Variants in TSNARE1 observed in about 807,000 individuals in gnomAD.
TSNARE1 encodes the protein t-SNARE domain-containing protein 1.
TSNARE1 carries 49 observed loss-of-function variants against 62.0 expected under a neutral mutation model. The observed-to-expected ratio is 0.79, with a 90% CI of 0.63 to 1.00. The LOEUF (loss-of-function observed/expected upper bound fraction) is 1.00, where lower values mean the gene tolerates loss of function less well. Among genes scored for constraint, TSNARE1 ranks in the 50% least tolerant of loss-of-function variants. TSNARE1 has a pLI of 0.00. For missense variants in TSNARE1, 755 were observed against 700.1 expected (o/e 1.08, Z -0.88); for synonymous variants, 328 against 294.4 (o/e 1.11, Z -1.17).
intron 7 of TSNARE1, 36 bp from the exon 8 acceptor site, chr8:142,315,128 C>T: frequency 6.2e-7 from 1 of 1,609,178 alleles, no homozygotes; most frequent in South Asian, 1.1e-5. Context: ...GCATGGGAGG[C>T]TTGGCCCTGC....
intron 13 of TSNARE1, among the ~76,000 whole-genome samples, chr8:142,213,604 C>A: frequency 6.6e-6 from 1 of 152,114 alleles, no homozygotes; most frequent in Non-Finnish European, 1.5e-5. Context: ...CGGCCAGGAG[C>A]AAAAGGCCAG....
At chr8:142,368,677 T>C (rs1040167593) in intron 1 of TSNARE1, among the ~76,000 whole-genome samples, 1 of 152,062 alleles carries the variant, frequency 6.6e-6, no homozygotes, top group Non-Finnish European at 1.5e-5. Context: ...AGAGAAAGCC[T>C]AGCACAGGAC....
chr8:142,286,783 C>G (rs1017545896), intron 10 of TSNARE1, among the ~76,000 whole-genome samples: 2 of 152,168 alleles, frequency 1.3e-5, no homozygotes, highest in Non-Finnish European at 1.5e-5. Flanking sequence ...CCGTCAGAAG[C>G]CAGGCATGAC....
intron 1 of TSNARE1, among the ~76,000 whole-genome samples, chr8:142,382,592 GAGA>G (rs1286857673): frequency 1.3e-5 from 2 of 152,208 alleles, no homozygotes; most frequent in African/African-American, 4.8e-5. Context: ...TCCTGGCAGA[GAGA>G]AGGTCTGGCC....
intron 8 of TSNARE1, 27 bp downstream of exon 8, chr8:142,314,976 C>G: frequency 6.2e-7 from 1 of 1,611,132 alleles, no homozygotes; most frequent in Non-Finnish European, 8.5e-7. Context: ...GGCCTGCAGA[C>G]CCCCACTGCC....
intron 12 of TSNARE1, among the ~76,000 whole-genome samples, chr8:142,259,205 A>C (rs34259915): frequency 0.52 from 79,234 of 152,096 alleles, 21,522 homozygotes; most frequent in African/African-American, 0.66. Context: ...CAGCACCCCA[A>C]CTCCCGTGAC....
At chr8:142,392,250 G>A (rs1270080974) in intron 1 of TSNARE1, among the ~76,000 whole-genome samples, 1 of 152,036 alleles carries the variant, frequency 6.6e-6, no homozygotes, top group African/African-American at 2.4e-5. Context: ...TCAAACTCCT[G>A]ACCTCAGGTG....
intron 1 of TSNARE1, among the ~76,000 whole-genome samples, chr8:142,377,522 A>AG (rs1836431767): frequency 6.6e-6 from 1 of 152,240 alleles, no homozygotes; most frequent in Non-Finnish European, 1.5e-5. Context: ...GAACTAAGTC[A>AG]GGGCAGCGTG....
intron 12 of TSNARE1, among the ~76,000 whole-genome samples, chr8:142,235,764 C>T (rs1817379215): frequency 6.6e-6 from 1 of 152,168 alleles, no homozygotes; most frequent in Non-Finnish European, 1.5e-5. Flanking sequence ...CGGGTGAGAG[C>T]ACATGGCGTT....
At chr8:142,345,950 C>T (rs1446935800) in intron 2 of TSNARE1, 58 bp from the exon 3 acceptor site, 5 of 1,570,250 alleles carry the variant, frequency 3.2e-6, no homozygotes, top group Non-Finnish European at 4.3e-6. Context: ...CCTGGCAGTG[C>T]CAGGCCCCCA....
chr8:142,250,510 C>T (rs967794689), intron 12 of TSNARE1, among the ~76,000 whole-genome samples: 5 of 152,208 alleles, frequency 3.3e-5, no homozygotes, highest in Admixed American at 1.3e-4. Flanking sequence ...GACACTCACC[C>T]GCCAGTGAAG....
Position 142,334,698 on chromosome 8 carries a change from G to A in TSNARE1, c.746-2867C>T, listed in dbSNP as rs113323451. Among the ~76,000 whole-genome samples, 960 of 152,204 alleles carry A rather than the reference G, an allele frequency of 6.3e-3. 15 individuals are homozygous for A. The highest frequency in any genetic ancestry group is 0.022 in the African/African-American group (909 of 41,518). ...GATAAAGAAACCTGAAAAGTGGCCC[G>A]GAGAAAAAACTGCACATTTCATGAG... On this transcript the variant is annotated intron_variant, in intron 4 of 13. Transcript: ENST00000524325.
intron 2 of TSNARE1, among the ~76,000 whole-genome samples, chr8:142,349,295 T>TA (rs1334001445): frequency 6.6e-6 from 1 of 152,204 alleles, no homozygotes; most frequent in Non-Finnish European, 1.5e-5. Flanking sequence ...AATGGAAAGT[T>TA]AAAGATATTT....
At chr8:142,313,066 CTG>C (rs1035171352) in intron 9 of TSNARE1, among the ~76,000 whole-genome samples, 1 of 151,996 alleles carries the variant, frequency 6.6e-6, no homozygotes. Context: ...CTGCATGTGT[CTG>C]TGTGTCTGTG....
At chr8:142,265,186 T>C (rs1221054791) in intron 12 of TSNARE1, among the ~76,000 whole-genome samples, 1 of 152,000 alleles carries the variant, frequency 6.6e-6, no homozygotes, top group Non-Finnish European at 1.5e-5. Context: ...ACCAGCACCA[T>C]GTTCAAAATA....
upstream of TSNARE1, among the ~76,000 whole-genome samples, chr8:142,403,452 G>A (rs930812110): frequency 6.6e-6 from 1 of 152,044 alleles, no homozygotes; most frequent in African/African-American, 2.4e-5. Flanking sequence ...GAGGGCGGCG[G>A]CCCGGCGCTG....
At chr8:142,256,149 C>T (rs1218998140) in intron 12 of TSNARE1, among the ~76,000 whole-genome samples, 1 of 136,086 alleles carries the variant, frequency 7.3e-6, no homozygotes, top group African/African-American at 2.8e-5. Flanking sequence ...CCACCACCAC[C>T]ACTGTCACCA....
chr8:142,219,687 G>A (rs1280372571), intron 13 of TSNARE1, among the ~76,000 whole-genome samples: 1 of 152,212 alleles, frequency 6.6e-6, no homozygotes, highest in Non-Finnish European at 1.5e-5. Flanking sequence ...GGGAAGAGCA[G>A]AGGTCCTGGG....
At chr8:142,273,548 G>T in intron 12 of TSNARE1, 1 of 985,430 alleles carries the variant, frequency 1.0e-6, no homozygotes, top group African/African-American at 1.7e-5. Flanking sequence ...CCTTGGCACA[G>T]CCTCTCCCAG....
Sources: allele counts gnomAD v4.1 joint callset (sites outside exome capture counted in the v4.1 genomes callset), GRCh38; gene constraint gnomAD v4.1.1; transcripts MANE v1.5; gene names NCBI Gene and HGNC (gene_info 2026-07-23, HGNC 2026-07-21).